Variants in ATL3 observed in about 807,000 individuals in gnomAD.
ATL3 encodes the protein atlastin-3.
Under a neutral mutation model 69.5 loss-of-function variants are expected in ATL3, and 49 were observed. The ratio of observed to expected loss-of-function variants is 0.71; its 90% CI spans 0.56 to 0.89. The LOEUF (loss-of-function observed/expected upper bound fraction) is 0.89. Ranked by LOEUF, ATL3 falls within the 40% of genes least tolerant of loss-of-function variation. The probability of loss-of-function intolerance (pLI) is 0.00; values close to 1 mark genes in which losing one functional copy is unlikely to be tolerated. For missense variants in ATL3, 606 were observed against 645.7 expected, an observed-to-expected ratio of 0.94 and a Z score of 0.67; for synonymous variants, 214 against 224.1, an observed-to-expected ratio of 0.95 and a Z score of 0.40.
At chr11:63,632,894 C>G (rs1939371539) in intron 11 of ATL3, 132 bp downstream of exon 11, 1 of 849,566 alleles carries the variant, frequency 1.2e-6, no homozygotes, top group African/African-American at 1.7e-5. Flanking sequence ...CCCCCGTTAC[C>G]AGGACAACCT....
At chr11:63,652,440 C>T (rs376524778) in intron 4 of ATL3, 31 bp downstream of exon 4, 15 of 1,362,870 alleles carry the variant, frequency 1.1e-5, no homozygotes, top group African/African-American at 8.8e-5. Context: ...ATTTCCTTTG[C>T]GAGCTTTTTT....
upstream of ATL3, chr11:63,671,447 A>G (rs1940778399): frequency 4.0e-6 from 6 of 1,490,698 alleles, no homozygotes; most frequent in Admixed American, 8.4e-5. Context: ...TGGGCTCTAG[A>G]AAAAACTAGC....
intron 8 of ATL3, among the ~76,000 whole-genome samples, chr11:63,636,906 T>C (rs983290924): frequency 6.6e-6 from 1 of 152,188 alleles, no homozygotes; most frequent in Admixed American, 6.5e-5. Flanking sequence ...GAATACTATA[T>C]ATGCAGAATA....
intron 3 of ATL3, among the ~76,000 whole-genome samples, chr11:63,656,795 G>C (rs1822255429): frequency 6.7e-6 from 1 of 150,096 alleles, no homozygotes; most frequent in African/African-American, 2.4e-5. Flanking sequence ...GAAGTACTGA[G>C]AAAAATACGT....
rs3758647 is a variant in ATL3 at position 63,652,304 on chromosome 11, C to A, written c.510+167G>T. The stretch of plus-strand genomic sequence containing the variant: ...TAATTATGACCAAAGAGGAAAAATT[C>A]TTTGGCTCCTTCTCAAACTTTTAAA... On this transcript the variant is annotated intron_variant, in intron 4 of 12. Transcript: ENST00000398868. 2.4e-4 allele frequency among the ~76,000 whole-genome samples: 36 copies of A among 152,236 alleles called. No homozygotes were observed. In the East Asian group the frequency reaches 3.9e-3, roughly 16 times the overall value.
rs901578473 is a variant in ATL3 at position 63,624,653 on chromosome 11, T to C, written c.*4666A>G. On this transcript the variant is annotated 3_prime_UTR_variant, in exon 13 of 13. Transcript: ENST00000398868. ...TTTTTAAAAGAAAAACTATCAAAAA[T>C]TGCTTTTAAAAAATCCTAATTACAT... 6.6e-6 allele frequency: 1 copy of C among 152,218 alleles called. No individual in the cohort carries two copies. The highest frequency in any genetic ancestry group is 2.4e-5 in the African/African-American group (1 of 41,460). The allele number at this position is 152,218 out of a possible 1,614,324, so 9.4% of individuals were successfully genotyped here.
At chr11:63,666,374 C>CT (rs1940573541) in intron 1 of ATL3, among the ~76,000 whole-genome samples, 2 of 152,066 alleles carry the variant, frequency 1.3e-5, no homozygotes, top group South Asian at 4.1e-4. Flanking sequence ...TCACAGATCT[C>CT]TAACTTGCAT....
chr11:63,671,395 C>T, upstream of ATL3: 2 of 1,518,682 alleles, frequency 1.3e-6, no homozygotes, highest in Non-Finnish European at 1.8e-6. Context: ...CGGGTGCGGG[C>T]GGGAACGAAC....
At position 63,635,586 on chromosome 11, in the gene ATL3, T is replaced by C. The variant is rs2035775658; in HGVS notation, c.983A>G (p.Tyr328Cys). 1.2e-6 allele frequency: 2 copies of C among 1,600,976 alleles called. No individual in the cohort carries two copies. Among genetic ancestry groups the C allele is most frequent in the Non-Finnish European group, 1.7e-6 (2 of 1,168,496 alleles). ...ATCTTCTCCTTGATAAATTTTAATA[T>C]ATGCCTTAAAATATAAACATAAAAA... ...CRGLLEYFKA[Y>C]IKIYQGEDLP... is the part of the protein sequence containing the mutation. Residue 328 changes from tyrosine to cysteine, a missense_variant, in exon 10 of 13, where the codon TAT becomes TGT. Physicochemically the swap from Tyr to Cys is radical, Grantham distance 194. Coordinates refer to ENST00000398868, the MANE Select transcript of ATL3 (RefSeq NM_015459.5).
chr11:63,647,148 G>A (rs184139615), intron 5 of ATL3, among the ~76,000 whole-genome samples: 15 of 152,100 alleles, frequency 9.9e-5, no homozygotes, highest in African/African-American at 2.9e-4. Context: ...GCCATCTACC[G>A]AAAAAGATTA....
intron 3 of ATL3, among the ~76,000 whole-genome samples, chr11:63,654,610 C>T (rs1276140293): frequency 6.6e-6 from 1 of 150,402 alleles, no homozygotes; most frequent in East Asian, 2.0e-4. Flanking sequence ...GTTGGTCAGA[C>T]TCGTCTTGAA....
At chr11:63,643,517 T>A (rs1480164164) in intron 7 of ATL3, 22 bp from the exon 8 acceptor site, 2 of 1,595,524 alleles carry the variant, frequency 1.3e-6, no homozygotes, top group Non-Finnish European at 1.7e-6. Context: ...GACCAAGAAT[T>A]TACCAACCAA....
intron 8 of ATL3, 34 bp downstream of exon 8, chr11:63,643,323 G>A (rs774661348): frequency 4.0e-5 from 62 of 1,531,140 alleles, no homozygotes; most frequent in South Asian, 1.4e-4. Context: ...TCCAAAGATC[G>A]AATCACAGGT....
At position 63,647,081 on chromosome 11, in the gene ATL3, TG is replaced by T. The variant is rs1939907919; in HGVS notation, c.562-519del. On this transcript the variant is annotated intron_variant, in intron 5 of 12. Transcript: ENST00000398868. Reference sequence around the variant, plus strand: ...TCTTCTCCCAAATTTCCTCATGATCTGCTCCCTCACTTCTTAAGGTCTTTCA... The same window carrying T: ...TCTTCTCCCAAATTTCCTCATGATCTCTCCCTCACTTCTTAAGGTCTTTCA... Among the ~76,000 whole-genome samples, 4 of 152,220 alleles carry T rather than the reference TG, an allele frequency of 2.6e-5. No homozygotes were observed. In the South Asian group the frequency reaches 8.3e-4, roughly 32 times the overall value.
intron 1 of ATL3, among the ~76,000 whole-genome samples, chr11:63,670,202 T>G (rs937419401): frequency 2.0e-5 from 3 of 152,140 alleles, no homozygotes; most frequent in Non-Finnish European, 4.4e-5. Flanking sequence ...CAGGAATTTC[T>G]GGAGTACAAG....
At chr11:63,655,028 G>A (rs1344230375) in intron 3 of ATL3, among the ~76,000 whole-genome samples, 2 of 152,078 alleles carry the variant, frequency 1.3e-5, no homozygotes, top group African/African-American at 2.4e-5. Context: ...TTGATAGGAT[G>A]TAGACTTGTG....
intron 1 of ATL3, among the ~76,000 whole-genome samples, chr11:63,666,074 G>A (rs756281387): frequency 3.3e-5 from 5 of 151,992 alleles, no homozygotes; most frequent in Non-Finnish European, 7.4e-5. Flanking sequence ...TCAACCTACC[G>A]GGCTCAGGCA....
intron 1 of ATL3, among the ~76,000 whole-genome samples, chr11:63,666,996 A>T (rs1461118499): frequency 1.3e-5 from 2 of 152,244 alleles, no homozygotes; most frequent in Non-Finnish European, 2.9e-5. Flanking sequence ...TCCAGAAATA[A>T]ACAATTCGTA....
intron 6 of ATL3, among the ~76,000 whole-genome samples, chr11:63,645,078 C>A (rs1939825492): frequency 6.7e-6 from 1 of 149,932 alleles, no homozygotes; most frequent in Admixed American, 6.6e-5. Context: ...GAGACTCTGT[C>A]TCCAAAAAAG....
Sources: gnomAD v4.1 joint callset for allele counts (sites outside exome capture counted in the v4.1 genomes callset) on GRCh38, gnomAD v4.1.1 for gene constraint, MANE v1.5 for transcripts, NCBI Gene and HGNC (gene_info 2026-07-23, HGNC 2026-07-21) for gene names.